Variants in DNMBP observed in about 807,000 individuals in gnomAD.
DNMBP encodes the protein dynamin-binding protein.
Under a neutral mutation model 150.0 loss-of-function variants are expected in DNMBP, and 87 were observed. The observed-to-expected ratio is 0.58, with a 90% CI of 0.49 to 0.69. The LOEUF (loss-of-function observed/expected upper bound fraction) is 0.69. Among genes scored for constraint, DNMBP ranks in the 30% least tolerant of loss-of-function variants. DNMBP has a pLI of 0.00. For missense variants in DNMBP, 1,774 were observed against 1,949.0 expected (o/e 0.91, Z 1.69); for synonymous variants, 711 against 750.4 (o/e 0.95, Z 0.86).
rs753661989 is a variant in DNMBP at position 99,896,367 on chromosome 10, C to T, written c.2951G>A (p.Ser984Asn). 1 of 1,614,108 alleles carries T rather than the reference C, an allele frequency of 6.2e-7. No homozygotes were observed. The highest frequency in any genetic ancestry group is 1.7e-5 in the Admixed American group (1 of 60,022). Residue 984 changes from serine (S) to asparagine (N), a missense_variant, in exon 10 of 17, where the codon AGC (serine) becomes AAC (asparagine). By Grantham distance (46) the Ser-to-Asn change is conservative. Around this residue, in one of 2 missense-constraint regions of DNMBP, gnomAD observed 1,430 missense variants for 1,492.5 expected, o/e 0.96. Transcript: ENST00000324109. ...CAGTTTGGAAATTTTCTCCATAAGGCTATCTTCATCACCCTTACGGTACTT... is the reference window on the plus strand; with the variant it reads ...CAGTTTGGAAATTTTCTCCATAAGGTTATCTTCATCACCCTTACGGTACTT... ...VLKYRKGDED[S>N]LMEKISKLNI...
At chr10:99,904,737 C>T (rs144406458) in intron 6 of DNMBP, among the ~76,000 whole-genome samples, 61 of 152,270 alleles carry the variant, frequency 4.0e-4, no homozygotes, top group African/African-American at 1.4e-3. Context: ...GCCTGCTACC[C>T]AACTCCTTGT....
intron 4 of DNMBP, among the ~76,000 whole-genome samples, chr10:99,913,350 C>T (rs2039924102): frequency 1.3e-5 from 2 of 152,056 alleles, no homozygotes; most frequent in Non-Finnish European, 2.9e-5. Context: ...GGGAGTTAAA[C>T]AAGGTAATAA....
rs3758394 is a variant in DNMBP, at chr10:99,894,939, T to C, written c.3156+7A>G. On this transcript the variant is annotated splice_region_variant and intron_variant, in intron 11 of 16. Coordinates refer to ENST00000324109, the MANE Select transcript of DNMBP (RefSeq NM_015221.4). ...GTTAATCTAACTACAGTGATGTTGA[T>C]GCTCACCCGGATGTGCTGGAGGTAG... 872,153 of 1,596,558 alleles carry C rather than the reference T, an allele frequency of 0.55. 241,538 individuals are homozygous for C. Among genetic ancestry groups the C allele is most frequent in the Non-Finnish European group, 0.57 (664,320 of 1,164,632 alleles).
Position 99,908,217 on chromosome 10 carries a change from T to C in DNMBP, c.2455-123A>G. The C allele has an allele frequency of 1.6e-5, 11 of 679,730 alleles. No individual in the cohort carries two copies. In the South Asian group the frequency reaches 2.0e-4, roughly 12 times the overall value. The allele number at this position is 679,730 out of a possible 1,614,324, so 42.1% of individuals were successfully genotyped here. A position where few individuals can be genotyped will look rare whatever the true frequency, so the allele number is the denominator to read the frequency against. ...CTCAAGGTCACTTTCTTCACTCACT[T>C]TCATGAAGTTTCCAGACTAGAAATA... is the stretch of plus-strand genomic sequence containing the variant. On this transcript the variant is annotated intron_variant, in intron 5 of 16. Transcript: ENST00000324109.
chr10:99,883,966 A>G (rs1564714453), intron 15 of DNMBP, 45 bp downstream of exon 15: 2 of 1,417,484 alleles, frequency 1.4e-6, no homozygotes, highest in Non-Finnish European at 1.9e-6. Context: ...CAAAACTACT[A>G]TTTTTTTTTT....
intron 10 of DNMBP, 56 bp downstream of exon 10, chr10:99,896,211 T>G: frequency 1.3e-6 from 2 of 1,590,618 alleles, no homozygotes; most frequent in Non-Finnish European, 1.7e-6. Context: ...GGCTGTCTCA[T>G]GGAGCCCTGA....
chr10:99,887,910 C>T (rs2039495406), intron 12 of DNMBP, among the ~76,000 whole-genome samples: 1 of 152,076 alleles, frequency 6.6e-6, no homozygotes. Context: ...CCATGACCTC[C>T]ACCTTCCAGG....
chr10:99,915,059 A>G (rs1380393858), intron 4 of DNMBP, among the ~76,000 whole-genome samples: 5 of 142,620 alleles, frequency 3.5e-5, no homozygotes, highest in East Asian at 2.0e-4. Context: ...GTACCATTGC[A>G]CTCCAGCCTG....
In DNMBP at chr10:99,956,854, G is replaced by A. The variant is rs761895159; in HGVS notation, c.620C>T (p.Thr207Ile). ...TCCAGAACTTACTGACTCATCCACA[G>A]TCCTCAGGGGCCCCAACAGCTCTAC... ...GFVELLGPLR[T>I]VDESVSSGNQ... The change falls in exon 4 of 17, where the codon ACT becomes ATT. Residue 207 changes from threonine to isoleucine, a missense_variant. By Grantham distance (89) the Thr-to-Ile change is moderately conservative (BLOSUM62 -1). Coordinates refer to ENST00000324109, the MANE Select transcript of DNMBP (RefSeq NM_015221.4). The A allele has an allele frequency of 7.4e-6, 12 of 1,613,978 alleles. No homozygotes were observed. The African/African-American group carries it at 1.3e-4, about 18-fold the overall frequency.
intron 4 of DNMBP, among the ~76,000 whole-genome samples, chr10:99,918,699 T>C (rs543924333): frequency 1.3e-5 from 2 of 151,710 alleles, no homozygotes; most frequent in African/African-American, 2.4e-5. Context: ...CCCGAGTAGC[T>C]GGGATTACAG....
chr10:99,881,228 CAAAA>C (rs371990529), intron 15 of DNMBP, among the ~76,000 whole-genome samples: 10 of 150,700 alleles, frequency 6.6e-5, no homozygotes, highest in African/African-American at 2.2e-4. Flanking sequence ...AACTCCGTCT[CAAAA>C]AAAAAGCCTC....
intron 4 of DNMBP, among the ~76,000 whole-genome samples, chr10:99,935,222 T>TG (rs2040215540): frequency 6.6e-6 from 1 of 151,890 alleles, no homozygotes; most frequent in Non-Finnish European, 1.5e-5. Flanking sequence ...ATTTGGGAGT[T>TG]GGAGTTGAAG....
At chr10:99,920,663 T>C in intron 4 of DNMBP, among the ~76,000 whole-genome samples, 1 of 152,150 alleles carries the variant, frequency 6.6e-6, no homozygotes, top group East Asian at 1.9e-4. Context: ...GTTTGTCACT[T>C]TCAGCTCTGA....
At chr10:99,904,126 G>C (rs186256676) in intron 6 of DNMBP, among the ~76,000 whole-genome samples, 2 of 151,982 alleles carry the variant, frequency 1.3e-5, no homozygotes, top group Non-Finnish European at 2.9e-5. Context: ...GTGGTGGTAC[G>C]CATCTGTAGT....
Position 99,886,625 on chromosome 10 carries a change from C to T in DNMBP, c.3293G>A (p.Arg1098Lys). Residue 1098 changes from arginine (R) to lysine (K), a missense_variant, in exon 13 of 17, where the codon AGG becomes AAG. Coordinates refer to ENST00000324109, the MANE Select transcript of DNMBP (RefSeq NM_015221.4). ...GGGGGAGATGACAAGCCGCTCTGTC[C>T]TCTCCTTCTGTAGGGACGAGAAAGG... The part of the protein sequence containing the change: ...SDQLFTNFKE[R>K]TERLVISPLN... 6.2e-7 allele frequency: 1 copy of T among 1,612,366 alleles called. No individual in the cohort carries two copies. Among genetic ancestry groups the T allele is most frequent in the Non-Finnish European group, 8.5e-7 (1 of 1,178,760 alleles).
At chr10:100,008,211 T>C (rs1419962733) in intron 1 of DNMBP, among the ~76,000 whole-genome samples, 1 of 152,180 alleles carries the variant, frequency 6.6e-6, no homozygotes, top group Non-Finnish European at 1.5e-5. Flanking sequence ...TTGAGGGAAA[T>C]GCCCTGCCTT....
intron 1 of DNMBP, among the ~76,000 whole-genome samples, chr10:99,978,302 T>C (rs1406561302): frequency 2.0e-5 from 3 of 152,224 alleles, no homozygotes; most frequent in Non-Finnish European, 4.4e-5. Flanking sequence ...ACTTCCATTT[T>C]TCTGTTTCTC....
intron 1 of DNMBP, among the ~76,000 whole-genome samples, chr10:99,974,968 A>C (rs2040713386): frequency 6.6e-6 from 1 of 151,598 alleles, no homozygotes; most frequent in Admixed American, 6.6e-5. Context: ...GGGTTTTACT[A>C]TGTTGCCCAG....
rs1589458237 is a variant in DNMBP at position 100,005,786 on chromosome 10, C to CAAAAAA, written c.-11+4051_-11+4052insTTTTTT. 7.9e-4 allele frequency among the ~76,000 whole-genome samples: 80 copies of CAAAAAA among 101,030 alleles called. 3 individuals carry two copies. The highest frequency in any genetic ancestry group is 3.3e-3 in the African/African-American group (68 of 20,628). The allele number at this position is 101,030 out of a possible 152,430, so 66.3% of individuals were successfully genotyped here. A position where few individuals can be genotyped will look rare whatever the true frequency, so the allele number is the denominator to read the frequency against. ...CTCCAAAAAAAAAAAAAAAAAAAAC[C>CAAAAAA]AAACTACATAAAGGAAAATGAATTA... On this transcript the variant is annotated intron_variant, in intron 1 of 16. Transcript: ENST00000324109.
Sources: gnomAD v4.1 joint callset for allele counts (sites outside exome capture counted in the v4.1 genomes callset) on GRCh38, gnomAD v4.1.1 for gene constraint, gnomAD v4.1.1 regional missense constraint, MANE v1.5 for transcripts, NCBI Gene and HGNC (gene_info 2026-07-23, HGNC 2026-07-21) for gene names.